The following HPS4 variants were observed in gnomAD, a reference collection of about 807,000 sequenced individuals.
The protein encoded by HPS4 is BLOC-3 complex member HPS4.
HPS4 carries 44 observed loss-of-function variants against 70.3 expected under a neutral mutation model. That is an observed-to-expected ratio of 0.63 (90% CI 0.49 to 0.80). The LOEUF is 0.80. HPS4 is among the 30% of genes least tolerant of loss of function. HPS4 has a pLI of 0.00. For synonymous variants in HPS4, 377 were observed against 355.9 expected (o/e 1.06, Z -0.67); for missense variants, 873 against 884.4 (o/e 0.99, Z 0.16).
At chr22:26,473,728 C>T (rs1165245269) in intron 4 of HPS4, among the ~76,000 whole-genome samples, 1 of 151,380 alleles carries the variant, frequency 6.6e-6, no homozygotes, top group Non-Finnish European at 1.5e-5. Flanking sequence ...GGCAACAGAG[C>T]GAGACACCGT....
At chr22:26,464,886 T>C (rs2088193133) in intron 10 of HPS4, 60 bp from the exon 11 acceptor site, 6 of 1,483,492 alleles carry the variant, frequency 4.0e-6, no homozygotes, top group Non-Finnish European at 1.8e-6. Flanking sequence ...GCAAGTGCCC[T>C]TCCACAGTGA....
intron 10 of HPS4, among the ~76,000 whole-genome samples, chr22:26,465,239 ATAAG>A (rs2088290430): frequency 6.6e-6 from 1 of 152,220 alleles, no homozygotes; most frequent in South Asian, 2.1e-4. Flanking sequence ...CATAGCTGGT[ATAAG>A]TAAGAGAGCT....
chr22:26,445,374 G>A (rs2084919890), intron 3 of HPS4, among the ~76,000 whole-genome samples: 1 of 152,172 alleles, frequency 6.6e-6, no homozygotes, highest in Non-Finnish European at 1.5e-5. Flanking sequence ...AAGTGACTTT[G>A]AGGCTCTTGT....
At chr22:26,481,115 C>T (rs1002998380) in intron 2 of HPS4, among the ~76,000 whole-genome samples, 2 of 151,792 alleles carry the variant, frequency 1.3e-5, no homozygotes, top group African/African-American at 4.8e-5. Flanking sequence ...ATGAAAGCAT[C>T]CCTGCTTGTG....
At chr22:26,446,317 A>G (rs2084950780), downstream of HPS4, among the ~76,000 whole-genome samples, 1 of 152,186 alleles carries the variant, frequency 6.6e-6, no homozygotes, top group Non-Finnish European at 1.5e-5. Context: ...CAGCCCCTAG[A>G]GTCACCCAGA....
chr22:26,458,497 C>T lies in HPS4; in HGVS notation c.1794G>A (p.Thr598=), dbSNP rs1169635376. 4.3e-6 allele frequency: 7 copies of T among 1,614,116 alleles called. No homozygotes were observed. The East Asian group carries it at 1.3e-4, about 31-fold the overall frequency. Residue 598 remains threonine (T), a synonymous_variant, in exon 12 of 14, where the codon ACG becomes ACA. Coordinates refer to ENST00000398145, the MANE Select transcript of HPS4 (RefSeq NM_022081.6). ...ETLPRDEAAS[T]SSTYNFTHYD... ...AATGTGTGAAGTTGTAGGTGCTGCT[C>T]GTGGAGGCTGCCTCATCCCTGGGCA...
intron 13 of HPS4, among the ~76,000 whole-genome samples, chr22:26,457,207 T>C (rs1209586911): frequency 9.8e-6 from 1 of 102,446 alleles, no homozygotes; most frequent in Non-Finnish European, 2.0e-5. Context: ...TCAGCACGTA[T>C]TACTTTTTTT....
chr22:26,445,549 C>A (rs1247312061), intron 3 of HPS4, among the ~76,000 whole-genome samples: 1 of 152,150 alleles, frequency 6.6e-6, no homozygotes, highest in Admixed American at 6.5e-5. Context: ...AGAACAAGGA[C>A]CCTGGCTTCA....
At chr22:26,471,090 G>T in intron 6 of HPS4, 1 of 541,344 alleles carries the variant, frequency 1.8e-6, no homozygotes. Flanking sequence ...CTATTCAAAG[G>T]GGTCAAAGTA....
chr22:26,473,657 C>T (rs866195737), intron 4 of HPS4, among the ~76,000 whole-genome samples: 1 of 152,000 alleles, frequency 6.6e-6, no homozygotes, highest in Non-Finnish European at 1.5e-5. Context: ...GCAGGGGAAT[C>T]GCTTGAACCT....
chr22:26,472,763 G>A lies in HPS4; in HGVS notation c.384+69C>T. On this transcript the variant is annotated intron_variant, in intron 5 of 13. Transcript: ENST00000398145. Reference sequence around the variant, plus strand: ...AAGTATACAAGACCCCAGAGTAAGTGCTGCATTCTGGCAATACCGGTTTTT... The same window carrying A: ...AAGTATACAAGACCCCAGAGTAAGTACTGCATTCTGGCAATACCGGTTTTT... The A allele has an allele frequency of 2.6e-6, 3 of 1,132,708 alleles. No individual in the cohort carries two copies. The South Asian group carries it at 3.7e-5, about 14-fold the overall frequency. 70.2% of individuals were successfully genotyped at this position (1,132,708 alleles called of 1,614,324 possible). A position where few individuals can be genotyped will look rare whatever the true frequency, so the allele number is the denominator to read the frequency against.
At position 26,451,949 on chromosome 22, in the gene HPS4, T is replaced by C. The variant is rs2085239604; in HGVS notation, c.*1284A>G. The C allele has an allele frequency of 1.1e-5, 2 of 187,700 alleles. No homozygotes were observed. Among genetic ancestry groups the C allele is most frequent in the African/African-American group, 2.4e-5 (1 of 41,292 alleles). The allele number at this position is 187,700 out of a possible 1,614,324, so 11.6% of individuals were successfully genotyped here. A position where few individuals can be genotyped will look rare whatever the true frequency, so the allele number is the denominator to read the frequency against. ...ACAGACGGTCCTTACCCAGCCACAC[T>C]GAACCCAGGGAAGGAAAAGAGGGAT... On this transcript the variant is annotated 3_prime_UTR_variant, in exon 14 of 14. Coordinates refer to ENST00000398145, the MANE Select transcript of HPS4 (RefSeq NM_022081.6).
intron 7 of HPS4, among the ~76,000 whole-genome samples, chr22:26,469,844 G>T (rs1382184142): frequency 6.6e-6 from 1 of 152,194 alleles, no homozygotes. Context: ...ACCGGGGCAA[G>T]GAAGAAGAGT....
rs759786544 is a variant in HPS4, at chr22:26,464,845, G to A, written c.804-19C>T. ...TAGAGACCTGGCAAACAAGAGAGATGTAAGGAAGGGGCACGTTGACAGACT... is the reference window on the plus strand; with the variant it reads ...TAGAGACCTGGCAAACAAGAGAGATATAAGGAAGGGGCACGTTGACAGACT... On this transcript the variant is annotated intron_variant, in intron 10 of 13. Transcript: ENST00000398145. The A allele has an allele frequency of 1.9e-6, 3 of 1,583,302 alleles. No homozygotes were observed. Among genetic ancestry groups the A allele is most frequent in the Non-Finnish European group, 2.6e-6 (3 of 1,168,742 alleles).
chr22:26,453,883 G>A (rs1601775696), intron 13 of HPS4: 1 of 237,646 alleles, frequency 4.2e-6, no homozygotes. Flanking sequence ...CGAGAAAGGA[G>A]TCTAGTCTGC....
At chr22:26,462,644 T>A (rs1222019419) in intron 11 of HPS4, among the ~76,000 whole-genome samples, 2 of 152,214 alleles carry the variant, frequency 1.3e-5, no homozygotes, top group Non-Finnish European at 2.9e-5. Context: ...TATATCCACT[T>A]TATTGCATTC....
intron 7 of HPS4, among the ~76,000 whole-genome samples, chr22:26,469,789 C>T (rs894023281): frequency 2.6e-5 from 4 of 151,806 alleles, no homozygotes; most frequent in Non-Finnish European, 4.4e-5. Flanking sequence ...ATGTCACTGA[C>T]GAACTTGGAA....
rs375587915 is a variant in HPS4, at chr22:26,464,260, C to G, written c.1370G>C (p.Arg457Thr). The change falls in exon 11 of 14, where the codon AGA becomes ACA. Residue 457 changes from arginine (R) to threonine (T), a missense_variant. Coordinates refer to ENST00000398145, the MANE Select transcript of HPS4 (RefSeq NM_022081.6). Reference sequence around the variant, plus strand: ...GGTCCTTCTGGGGAGAGGGTCTGCTCTGGGAATGGGGGCTTGGCTGCTATG... The same window carrying G: ...GGTCCTTCTGGGGAGAGGGTCTGCTGTGGGAATGGGGGCTTGGCTGCTATG... ...PGHSSQAPIP[R>T]ADPLPRRTRR... 10 of 1,614,016 alleles carry G rather than the reference C, an allele frequency of 6.2e-6. No individual in the cohort carries two copies. The highest frequency in any genetic ancestry group is 7.6e-6 in the Non-Finnish European group (9 of 1,180,032).
chr22:26,464,880 G>T, intron 10 of HPS4, 54 bp from the exon 11 acceptor site: 1 of 1,503,186 alleles, frequency 6.7e-7, no homozygotes, highest in Middle Eastern at 1.8e-4. Context: ...TGCAGGGCAA[G>T]TGCCCTTCCA....
Sources: allele counts gnomAD v4.1 joint callset (sites outside exome capture counted in the v4.1 genomes callset), GRCh38; gene constraint gnomAD v4.1.1; transcripts MANE v1.5; gene names NCBI Gene and HGNC (gene_info 2026-07-23, HGNC 2026-07-21).